The following VCL variants were observed in gnomAD, a reference collection of about 807,000 sequenced individuals.
VCL encodes the protein vinculin.
VCL carries 47 observed loss-of-function variants against 125.7 expected under a neutral mutation model. The ratio of observed to expected loss-of-function variants is 0.37; its 90% CI spans 0.30 to 0.48. VCL has a LOEUF of 0.48. VCL is among the 20% of genes least tolerant of loss of function. The probability of loss-of-function intolerance (pLI) is 0.99; values close to 1 mark genes in which losing one functional copy is unlikely to be tolerated. For missense variants in VCL, 1,069 were observed against 1,455.5 expected, an observed-to-expected ratio of 0.73 and a Z score of 4.32; for synonymous variants, 458 against 514.6, an observed-to-expected ratio of 0.89 and a Z score of 1.49.
At chr10:74,005,229 A>G (rs562794196) in intron 1 of VCL, 15 of 152,196 alleles carry the variant, frequency 9.9e-5, no homozygotes, top group Non-Finnish European at 1.9e-4. Context: ...ACAGATATCT[A>G]TATCTATAGA....
chr10:74,071,615 G>A lies in VCL; in HGVS notation c.499+532G>A, dbSNP rs12413283. Among the ~76,000 whole-genome samples the A allele has an allele frequency of 0.019, 2,819 of 152,196 alleles. 40 individuals carry two copies. Among genetic ancestry groups the A allele is most frequent in the South Asian group, 0.033 (160 of 4,816 alleles). The stretch of plus-strand genomic sequence containing the variant: ...CATTAAATATTCAAAATATATAAAC[G>A]GATACCAGCTTTTGATGTTACAGAC... On this transcript the variant is annotated intron_variant, in intron 4 of 21. Transcript: ENST00000211998. This position sits in a 1 kb window ranked among gnomAD's most constrained non-coding sequence, Gnocchi z 4.1.
chr10:74,111,186 C>T (rs1741905861), intron 18 of VCL, among the ~76,000 whole-genome samples: 2 of 152,144 alleles, frequency 1.3e-5, no homozygotes. Context: ...TGTGGGTGTT[C>T]CCTGAGATGG....
chr10:74,066,350 C>T (rs561797578), intron 2 of VCL, among the ~76,000 whole-genome samples: 23 of 152,210 alleles, frequency 1.5e-4, no homozygotes, highest in South Asian at 1.0e-3. Flanking sequence ...TGAGCCACCA[C>T]GCCTGGCCAA....
chr10:74,028,426 C>T (rs985639687), intron 1 of VCL, among the ~76,000 whole-genome samples: 9 of 125,942 alleles, frequency 7.1e-5, no homozygotes, highest in East Asian at 2.3e-4. Context: ...GACAGGGTTT[C>T]GCTCTTGTCA....
rs1344751683 is a variant in VCL, at chr10:74,052,480, G to C, written c.239+9327G>C. On this transcript the variant is annotated intron_variant, in intron 2 of 21. Coordinates refer to ENST00000211998, the MANE Select transcript of VCL (RefSeq NM_014000.3). Reference sequence around the variant, plus strand: ...CAACCTCCCCCTCTAGGGCTCAAGCGATTCTCATGCCTCAGCCCCGCAAGT... The same window carrying C: ...CAACCTCCCCCTCTAGGGCTCAAGCCATTCTCATGCCTCAGCCCCGCAAGT... 2.3e-4 allele frequency among the ~76,000 whole-genome samples: 35 copies of C among 149,840 alleles called. No homozygotes were observed. The Admixed American group carries it at 2.3e-3, about 10-fold the overall frequency.
intron 1 of VCL, among the ~76,000 whole-genome samples, chr10:73,999,237 G>C (rs547616684): frequency 1.3e-5 from 2 of 152,186 alleles, no homozygotes; most frequent in African/African-American, 2.4e-5. Context: ...GGAGCTGTTG[G>C]GAGAGGCCTG....
At chr10:74,083,859 TTTTG>T (rs201437076) in intron 8 of VCL, among the ~76,000 whole-genome samples, 13,703 of 150,518 alleles carry the variant, frequency 0.091, 1,467 homozygotes, top group African/African-American at 0.26. Context: ...ACCTGGCTAA[TTTTG>T]TTTGTTTGTT....
chr10:74,043,763 A>G (rs543016220), intron 2 of VCL, among the ~76,000 whole-genome samples: 3 of 152,180 alleles, frequency 2.0e-5, no homozygotes, highest in Non-Finnish European at 4.4e-5. Context: ...ATTGTATACT[A>G]GGCACCTTTG....
At chr10:74,077,129 C>T (rs149656412) in intron 6 of VCL, 30 of 152,656 alleles carry the variant, frequency 2.0e-4, no homozygotes, top group African/African-American at 7.0e-4. Context: ...TGCTACAAAA[C>T]TAACTTCATC....
chr10:74,095,987 A>C, intron 12 of VCL, 132 bp downstream of exon 12: 2 of 1,125,964 alleles, frequency 1.8e-6, no homozygotes, highest in Non-Finnish European at 2.5e-6. Flanking sequence ...GTGACCAAAG[A>C]TATAAGGAAA....
Position 74,114,139 on chromosome 10 carries a change from C to A in VCL, c.2950-45C>A, listed in dbSNP as rs745609519. 9 of 1,606,698 alleles carry A rather than the reference C, an allele frequency of 5.6e-6. No individual in the cohort carries two copies. In the Admixed American group the frequency reaches 1.2e-4, roughly 21 times the overall value. ...GCTTCTCCTTCCTTCCTTAACATGGCCAGAGCGTGGGCAGAGCTCACACTG... is the reference window on the plus strand; with the variant it reads ...GCTTCTCCTTCCTTCCTTAACATGGACAGAGCGTGGGCAGAGCTCACACTG... On this transcript the variant is annotated intron_variant, in intron 19 of 21. Transcript: ENST00000211998.
chr10:74,030,590 C>A (rs1202203678), intron 1 of VCL, among the ~76,000 whole-genome samples: 1 of 152,156 alleles, frequency 6.6e-6, no homozygotes, highest in Non-Finnish European at 1.5e-5. Context: ...TTACAGGAAT[C>A]AGGTGGTGAC....
intron 1 of VCL, among the ~76,000 whole-genome samples, chr10:74,004,463 T>TC (rs1399082035): frequency 3.9e-5 from 6 of 152,198 alleles, no homozygotes; most frequent in African/African-American, 1.4e-4. Flanking sequence ...CTGCTTTTTT[T>TC]CACACCACCA....
intron 21 of VCL, among the ~76,000 whole-genome samples, chr10:74,117,471 A>G (rs1014930755): frequency 6.6e-6 from 1 of 152,194 alleles, no homozygotes; most frequent in Non-Finnish European, 1.5e-5. Flanking sequence ...CCTGGGCAAC[A>G]TGGCGGAACC....
At chr10:74,009,289 C>G (rs554803871) in intron 1 of VCL, among the ~76,000 whole-genome samples, 1 of 130,736 alleles carries the variant, frequency 7.6e-6, no homozygotes, top group African/African-American at 2.8e-5. Context: ...GACGGAGTCT[C>G]GCTCTATTGC....
chr10:74,078,512 G>A (rs2136277837), intron 6 of VCL, among the ~76,000 whole-genome samples: 1 of 152,322 alleles, frequency 6.6e-6, no homozygotes, highest in Middle Eastern at 3.4e-3. Flanking sequence ...CTAAGAGCTT[G>A]AGAGAAATAG....
intron 2 of VCL, among the ~76,000 whole-genome samples, chr10:74,066,799 G>A (rs1212919805): frequency 1.3e-5 from 2 of 151,462 alleles, no homozygotes; most frequent in Non-Finnish European, 2.9e-5. Flanking sequence ...AGCCTCCTGT[G>A]TAGCTGGGAT....
chr10:74,063,724 C>T (rs1431589563), intron 2 of VCL: 1 of 152,190 alleles, frequency 6.6e-6, no homozygotes, highest in Non-Finnish European at 1.5e-5. Flanking sequence ...GTACTTCAGA[C>T]AAGTCCGCTG....
At chr10:74,037,186 C>T (rs1289505765) in intron 1 of VCL, among the ~76,000 whole-genome samples, 1 of 152,106 alleles carries the variant, frequency 6.6e-6, no homozygotes, top group Non-Finnish European at 1.5e-5. Flanking sequence ...TACCCACTTA[C>T]GCCTGGGATT....
Sources: allele counts gnomAD v4.1 joint callset (sites outside exome capture counted in the v4.1 genomes callset), GRCh38; gene constraint gnomAD v4.1.1; non-coding constraint Gnocchi (gnomAD v3.1); transcripts MANE v1.5; gene names NCBI Gene and HGNC (gene_info 2026-07-23, HGNC 2026-07-21).